Variants in PABPC3 observed in about 807,000 individuals in gnomAD.
PABPC3 encodes the protein poly(A) binding protein cytoplasmic 3, also known as polyadenylate-binding protein 3.
A neutral mutation model predicts 43.0 loss-of-function variants in PABPC3; 43 were observed. The observed-to-expected ratio is 1.00, with a 90% CI of 0.78 to 1.29. The LOEUF is 1.29. PABPC3 is among the 50% of genes most tolerant of loss of function. The probability of loss-of-function intolerance (pLI) is 0.00; values close to 1 mark genes in which losing one functional copy is unlikely to be tolerated. For missense variants in PABPC3, 784 were observed against 798.1 expected (o/e 0.98, Z 0.21); for synonymous variants, 221 against 274.6 (o/e 0.80, Z 1.93).
At chr13:25,096,889 A>T in the PABPC3 span, 2 of 1,564,596 alleles carry the variant, frequency 1.3e-6, no homozygotes, top group Admixed American at 3.4e-5. Context: ...TGGAAAATCC[A>T]AAGGATTTGG....
the PABPC3 span, chr13:25,097,366 C>T: frequency 4.3e-6 from 7 of 1,614,006 alleles, no homozygotes; most frequent in East Asian, 4.5e-5. Flanking sequence ...GGCAAGTGTA[C>T]GAGCTGTGCC....
Position 25,097,933 on chromosome 13 carries a change from A to C in PABPC3, c.1735A>C (p.Met579Leu). The change falls in exon 1 of 1, where the codon ATG becomes CTG. Residue 579 changes from methionine to leucine, a missense_variant. Met to Leu is a conservative substitution (Grantham distance 15). Transcript: ENST00000281589. The stretch of plus-strand genomic sequence containing the variant: ...TACTCTTGCTGGGAAAATCACTGGC[A>C]TGTTGTTGGAGATTGATAATTCAGA... ...HPTLAGKITG[M>L]LLEIDNSELL... 6.2e-7 allele frequency: 1 copy of C among 1,614,012 alleles called. No individual in the cohort carries two copies. The highest frequency in any genetic ancestry group is 8.5e-7 in the Non-Finnish European group (1 of 1,179,872).
chr13:25,096,574 C>T lies in PABPC3; in HGVS notation c.376C>T (p.Leu126Phe), dbSNP rs781225499. ...TACAGTTTCTGCTTTTGGTAACATC[C>T]TTTCGTGTAACGTGGTTTGTGATGA... ...YDTVSAFGNI[L>F]SCNVVCDENG... is the part of the protein sequence containing the mutation. The change falls in exon 1 of 1, where the codon CTT (leucine) becomes TTT (phenylalanine). Residue 126 changes from leucine to phenylalanine, a missense_variant. Transcript: ENST00000281589. 4.7e-5 allele frequency: 72 copies of T among 1,536,316 alleles called. No homozygotes were observed. The highest frequency in any genetic ancestry group is 6.1e-5 in the Non-Finnish European group (69 of 1,134,392).
chr13:25,097,654 C>T lies in PABPC3; in HGVS notation c.1456C>T (p.Pro486Ser). The change falls in exon 1 of 1, where the codon CCA becomes TCA. Residue 486 changes from proline to serine, a missense_variant. Coordinates refer to ENST00000281589, the MANE Select transcript of PABPC3 (RefSeq NM_030979.3). Reference sequence around the variant, plus strand: ...TAACACATCAACACAGACAGTGGGTCCACGTCCTGCAGCTGCTGCTGCTGC... The same window carrying T: ...TAACACATCAACACAGACAGTGGGTTCACGTCCTGCAGCTGCTGCTGCTGC... ...VANTSTQTVGPRPAAAAAAAA... is the reference protein window; with the variant it reads ...VANTSTQTVGSRPAAAAAAAA... 3.1e-6 allele frequency: 5 copies of T among 1,614,110 alleles called. No homozygotes were observed. The highest frequency in any genetic ancestry group is 4.2e-6 in the Non-Finnish European group (5 of 1,179,952).
rs200133490 is a variant in PABPC3 at position 25,097,429 on chromosome 13, C to G, written c.1231C>G (p.Gln411Glu). Residue 411 changes from glutamine (Q) to glutamate (E), a missense_variant, in exon 1 of 1, where the codon CAG (glutamine) becomes GAG (glutamate). Transcript: ENST00000281589. ...CTTCATGACAGCTGTCCCACAGACT[C>G]AGAACCATGCTGCATACTATCCTCC... is the stretch of plus-strand genomic sequence containing the variant. ...GYFMTAVPQT[Q>E]NHAAYYPPSQ... 1 of 1,614,172 alleles carries G rather than the reference C, an allele frequency of 6.2e-7. No homozygotes were observed.
rs1257045424 is a variant in PABPC3, at chr13:25,096,480, A to G, written c.282A>G (p.Arg94=). ...GGTCTCAGCGTGATCCATCACTTCG[A>G]AAAAGTGGAGTGGGCAACATATTCG... The part of the protein sequence containing the change: ...IMWSQRDPSL[R]KSGVGNIFVK... Residue 94 remains arginine, a synonymous_variant, in exon 1 of 1, where the codon CGA becomes CGG. Coordinates refer to ENST00000281589, the MANE Select transcript of PABPC3 (RefSeq NM_030979.3). 3 of 1,614,212 alleles carry G rather than the reference A, an allele frequency of 1.9e-6. No individual in the cohort carries two copies. Among genetic ancestry groups the G allele is most frequent in the Non-Finnish European group, 2.5e-6 (3 of 1,180,026 alleles).
chr13:25,097,137 G>GT, the PABPC3 span: 1 of 1,610,292 alleles, frequency 6.2e-7, no homozygotes, highest in Non-Finnish European at 8.5e-7. Flanking sequence ...TCCGGAAAGC[G>GT]TTTTCTCCAT....
Position 25,096,145 on chromosome 13 carries a change from A to C in PABPC3, c.-54A>C. On this transcript the variant is annotated 5_prime_UTR_variant, in exon 1 of 1. Coordinates refer to ENST00000281589, the MANE Select transcript of PABPC3 (RefSeq NM_030979.3). ...CGCCCCCGGCCCCGGCACGCGCTCT[A>C]CTCCTGTAACGGAAAGGTCGCGGCT... 1 of 1,554,842 alleles carries C rather than the reference A, an allele frequency of 6.4e-7. No homozygotes were observed. The highest frequency in any genetic ancestry group is 1.2e-5 in the South Asian group (1 of 83,460).
Position 25,096,518 on chromosome 13 carries a change from A to G in PABPC3, c.320A>G (p.Asp107Gly). Residue 107 changes from aspartate (D) to glycine (G), a missense_variant, in exon 1 of 1, where the codon GAT (aspartate) becomes GGT (glycine). Asp to Gly is a moderately conservative substitution (Grantham distance 94). Coordinates refer to ENST00000281589, the MANE Select transcript of PABPC3 (RefSeq NM_030979.3). The part of the protein sequence containing the change: ...GVGNIFVKNL[D>G]KSINNKALYD... ...GGCAACATATTCGTTAAAAATCTGGATAAGTCCATTAATAATAAAGCACTG... is the reference window on the plus strand; with the variant it reads ...GGCAACATATTCGTTAAAAATCTGGGTAAGTCCATTAATAATAAAGCACTG... The G allele has an allele frequency of 6.2e-7, 1 of 1,614,248 alleles. No homozygotes were observed. Among genetic ancestry groups the G allele is most frequent in the East Asian group, 2.2e-5 (1 of 44,886 alleles).
rs373694657 is a variant in PABPC3 at position 25,097,754 on chromosome 13, G to A, written c.1556G>A (p.Arg519His). The A allele has an allele frequency of 2.5e-6, 4 of 1,609,812 alleles. No homozygotes were observed. The highest frequency in any genetic ancestry group is 2.2e-5 in the East Asian group (1 of 44,856). Residue 519 changes from arginine to histidine, a missense_variant, in exon 1 of 1, where the codon CGT becomes CAT. Arg to His is a conservative substitution (Grantham distance 29, BLOSUM62 0). Transcript: ENST00000281589. ...AAGVRNPQQH[R>H]NAQPQVTMQQ... Reference sequence around the variant, plus strand: ...GGAGTTCGCAATCCTCAGCAACATCGTAATGCACAGCCACAAGTTACAATG... The same window carrying A: ...GGAGTTCGCAATCCTCAGCAACATCATAATGCACAGCCACAAGTTACAATG...
chr13:25,096,702 A>G lies in PABPC3; in HGVS notation c.504A>G (p.Val168=). 2 of 1,614,316 alleles carry G rather than the reference A, an allele frequency of 1.2e-6. No homozygotes were observed. Among genetic ancestry groups the G allele is most frequent in the South Asian group, 1.1e-5 (1 of 91,092 alleles). ...GAATGCTCCTAAATGGTCGCAAAGT[A>G]TTTGTTGGACAATTTAAGTCTCGTA... The part of the protein sequence containing the change: ...MNGMLLNGRK[V]FVGQFKSRKE... The change falls in exon 1 of 1, where the codon GTA becomes GTG. Residue 168 remains valine (V), a synonymous_variant. Transcript: ENST00000281589.
Position 25,096,389 on chromosome 13 carries a change from A to T in PABPC3, c.191A>T (p.Asp64Val), listed in dbSNP as rs1313414118. The T allele has an allele frequency of 6.2e-7, 1 of 1,614,246 alleles. No homozygotes were observed. Among genetic ancestry groups the T allele is most frequent in the African/African-American group, 1.3e-5 (1 of 75,068 alleles). ...YAYVNFQHTKDAEHALDTMNF... is the reference protein window; with the variant it reads ...YAYVNFQHTKVAEHALDTMNF... ...TATGTGAACTTCCAGCATACGAAGG[A>T]CGCGGAGCATGCTCTGGACACCATG... Residue 64 changes from aspartate (D) to valine (V), a missense_variant, in exon 1 of 1, where the codon GAC becomes GTC. Physicochemically the swap from Asp to Val is radical, Grantham distance 152. Transcript: ENST00000281589.
Position 25,097,609 on chromosome 13 carries a change from A to C in PABPC3, c.1411A>C (p.Met471Leu), listed in dbSNP as rs757178934. ...AGCTTCTTCACAGGTTCCACGAGTC[A>C]TGTCAACGCAGCGTGTTGCTAACAC... ...RPASSQVPRVMSTQRVANTST... is the reference protein window; with the variant it reads ...RPASSQVPRVLSTQRVANTST... The change falls in exon 1 of 1, where the codon ATG becomes CTG. Residue 471 changes from methionine to leucine, a missense_variant. By Grantham distance (15) the Met-to-Leu change is conservative. Coordinates refer to ENST00000281589, the MANE Select transcript of PABPC3 (RefSeq NM_030979.3). 1.9e-6 allele frequency: 3 copies of C among 1,614,244 alleles called. No individual in the cohort carries two copies. The South Asian group carries it at 3.3e-5, about 18-fold the overall frequency.
Position 25,099,194 on chromosome 13 carries a change from T to A in PABPC3, c.*1100T>A, listed in dbSNP as rs1434281821. ...TTAAGATGAGTAGAGGCTGTGACAT[T>A]GCACTACATAGAAATATAATTATAC... is the stretch of plus-strand genomic sequence containing the variant. On this transcript the variant is annotated 3_prime_UTR_variant, in exon 1 of 1. Coordinates refer to ENST00000281589, the MANE Select transcript of PABPC3 (RefSeq NM_030979.3). The A allele has an allele frequency of 6.0e-6, 1 of 165,944 alleles. No homozygotes were observed. Among genetic ancestry groups the A allele is most frequent in the Non-Finnish European group, 1.5e-5 (1 of 67,956 alleles). 10.3% of individuals were successfully genotyped at this position (165,944 alleles called of 1,614,324 possible). A position where few individuals can be genotyped will look rare whatever the true frequency, so the allele number is the denominator to read the frequency against.
chr13:25,098,349 C>A lies in PABPC3; in HGVS notation c.*255C>A. On this transcript the variant is annotated 3_prime_UTR_variant, in exon 1 of 1. Coordinates refer to ENST00000281589, the MANE Select transcript of PABPC3 (RefSeq NM_030979.3). ...TAATTTTGATTTAAAAACAAAAAAT[C>A]GTAAAATACAAAAACCAGTTAATGT... The A allele has an allele frequency of 2.6e-6, 1 of 381,342 alleles. No individual in the cohort carries two copies. The highest frequency in any genetic ancestry group is 4.8e-6 in the Non-Finnish European group (1 of 206,380). 23.6% of individuals were successfully genotyped at this position (381,342 alleles called of 1,614,324 possible).
Position 25,098,141 on chromosome 13 carries a change from A to G in PABPC3, c.*47A>G, listed in dbSNP as rs763079233. On this transcript the variant is annotated 3_prime_UTR_variant, in exon 1 of 1. Coordinates refer to ENST00000281589, the MANE Select transcript of PABPC3 (RefSeq NM_030979.3). The stretch of plus-strand genomic sequence containing the variant: ...AGAAATTTGTGCTTCACCGAAGAAA[A>G]ATATCTAAACATCGAGAAACTATGG... 2.0e-6 allele frequency: 3 copies of G among 1,514,280 alleles called. No homozygotes were observed. Among genetic ancestry groups the G allele is most frequent in the Middle Eastern group, 1.7e-4 (1 of 5,794 alleles). The allele number at this position is 1,514,280 out of a possible 1,614,324, so 93.8% of individuals were successfully genotyped here.
rs945868261 is a variant in PABPC3 at position 25,098,616 on chromosome 13, T to C, written c.*522T>C. 4 of 167,230 alleles carry C rather than the reference T, an allele frequency of 2.4e-5. No homozygotes were observed. Among genetic ancestry groups the C allele is most frequent in the Non-Finnish European group, 2.9e-5 (2 of 68,548 alleles). 10.4% of individuals were successfully genotyped at this position (167,230 alleles called of 1,614,324 possible). A position where few individuals can be genotyped will look rare whatever the true frequency, so the allele number is the denominator to read the frequency against. ...TAATAGTCTTTCTTTACATTTTCTATTATTCTATCTCCCACTATATTTCAA... is the reference window on the plus strand; with the variant it reads ...TAATAGTCTTTCTTTACATTTTCTACTATTCTATCTCCCACTATATTTCAA... On this transcript the variant is annotated 3_prime_UTR_variant, in exon 1 of 1. Transcript: ENST00000281589.
chr13:25,097,137 G>C lies in PABPC3; in HGVS notation c.939G>C (p.Ala313=). The C allele has an allele frequency of 6.2e-7, 1 of 1,610,292 alleles. No homozygotes were observed. Among genetic ancestry groups the C allele is most frequent in the Middle Eastern group, 1.7e-4 (1 of 6,060 alleles). ...TTGATGATGAACGTCTCCGGAAAGC[G>C]TTTTCTCCATTTGGTACAATCACTA... ...DGIDDERLRK[A]FSPFGTITSA... is the part of the protein sequence containing the mutation. Residue 313 remains alanine (A), a synonymous_variant, in exon 1 of 1, where the codon GCG becomes GCC. Coordinates refer to ENST00000281589, the MANE Select transcript of PABPC3 (RefSeq NM_030979.3).
rs1220817963 is a variant in PABPC3 at position 25,098,071 on chromosome 13, G to A, written c.1873G>A (p.Ala625Thr). 1 of 1,613,890 alleles carries A rather than the reference G, an allele frequency of 6.2e-7. No homozygotes were observed. Among genetic ancestry groups the A allele is most frequent in the Non-Finnish European group, 8.5e-7 (1 of 1,179,830 alleles). ...KEATQKAVNS[A>T]TGVPTV is the part of the protein sequence containing the mutation. Reference sequence around the variant, plus strand: ...GGCTACCCAGAAAGCAGTTAACAGTGCTACCGGTGTTCCAACTGTTTAAAA... The same window carrying A: ...GGCTACCCAGAAAGCAGTTAACAGTACTACCGGTGTTCCAACTGTTTAAAA... Residue 625 changes from alanine (A) to threonine (T), a missense_variant, in exon 1 of 1, where the codon GCT (alanine) becomes ACT (threonine). By Grantham distance (58) the Ala-to-Thr change is moderately conservative. Transcript: ENST00000281589.
Sources: gnomAD v4.1 joint callset for allele counts on GRCh38, gnomAD v4.1.1 for gene constraint, MANE v1.5 for transcripts, NCBI Gene and HGNC (gene_info 2026-07-23, HGNC 2026-07-21) for gene names.